The following DCLK1 variants were observed in gnomAD, a reference collection of about 807,000 sequenced individuals.
DCLK1 encodes doublecortin like kinase 1.
In DCLK1, 16 loss-of-function variants were observed where a neutral mutation model predicts 86.2. The observed-to-expected ratio is 0.19, with a 90% CI of 0.13 to 0.28. DCLK1 has a LOEUF of 0.28. Among genes scored for constraint, DCLK1 ranks in the 10% least tolerant of loss-of-function variants. The probability of loss-of-function intolerance (pLI) is 1.00; values close to 1 mark genes in which losing one functional copy is unlikely to be tolerated. For missense variants in DCLK1, 590 were observed against 940.2 expected, an observed-to-expected ratio of 0.63 and a Z score of 4.87; for synonymous variants, 369 against 370.5, an observed-to-expected ratio of 1.00 and a Z score of 0.05.
At chr13:35,846,059 A>G (rs1870151342) in intron 6 of DCLK1, 1 of 985,460 alleles carries the variant, frequency 1.0e-6, no homozygotes, top group Non-Finnish European at 1.2e-6. Flanking sequence ...GGGTAGTTCA[A>G]TGAAACATTT....
At chr13:36,034,917 A>G (rs920501271) in intron 3 of DCLK1, among the ~76,000 whole-genome samples, 3 of 152,320 alleles carry the variant, frequency 2.0e-5, no homozygotes, top group South Asian at 4.1e-4. Context: ...GGAATGAGCC[A>G]GTTATAAAAG....
At chr13:36,055,538 TC>T (rs140480093) in intron 3 of DCLK1, among the ~76,000 whole-genome samples, 1 of 152,160 alleles carries the variant, frequency 6.6e-6, no homozygotes, top group African/African-American at 2.4e-5. Flanking sequence ...AGGGGAAACC[TC>T]CCCGCATTTT....
At position 36,045,330 on chromosome 13, in the gene DCLK1, GTGTATATATATA is replaced by G. The variant is rs1258256101; in HGVS notation, c.723+66527_723+66538del. 6.6e-3 allele frequency among the ~76,000 whole-genome samples: 374 copies of G among 56,586 alleles called. 1 individual carries two copies. Among genetic ancestry groups the G allele is most frequent in the South Asian group, 0.023 (32 of 1,366 alleles). 37.1% of individuals were successfully genotyped at this position (56,586 alleles called of 152,430 possible). On this transcript the variant is annotated intron_variant, in intron 3 of 16. Coordinates refer to ENST00000360631, the MANE Select transcript of DCLK1 (RefSeq NM_001330071.2). Reference sequence around the variant, plus strand: ...TATATGTCTATATATGTGTGTGTGTGTGTATATATATATATATATATATATATATATATATAT... The same window carrying G: ...TATATGTCTATATATGTGTGTGTGTGTATATATATATATATATATATATAT...
chr13:36,130,668 C>G (rs1403880212), intron 1 of DCLK1, among the ~76,000 whole-genome samples: 3 of 152,122 alleles, frequency 2.0e-5, no homozygotes, highest in Non-Finnish European at 4.4e-5. Context: ...CACAAGCACA[C>G]ATCACTGGCC....
intron 3 of DCLK1, among the ~76,000 whole-genome samples, chr13:35,977,086 T>C (rs1185719150): frequency 6.6e-6 from 1 of 151,766 alleles, no homozygotes; most frequent in Non-Finnish European, 1.5e-5. Flanking sequence ...TGTTAAGAAA[T>C]GACAAAAATA....
At position 36,105,423 on chromosome 13, in the gene DCLK1, C is replaced by T. The variant is rs2088526375; in HGVS notation, c.723+6446G>A. Among the ~76,000 whole-genome samples, 3 of 152,182 alleles carry T rather than the reference C, an allele frequency of 2.0e-5. No individual in the cohort carries two copies. In the South Asian group the frequency reaches 6.2e-4, roughly 32 times the overall value. Reference sequence around the variant, plus strand: ...TGCCATGTGAATTGTTTCATTTAGTCCTCATGACAACTTATAGAGCAGGCA... The same window carrying T: ...TGCCATGTGAATTGTTTCATTTAGTTCTCATGACAACTTATAGAGCAGGCA... On this transcript the variant is annotated intron_variant, in intron 3 of 16. Transcript: ENST00000360631.
chr13:36,058,910 AAGTT>A (rs1883433767), intron 3 of DCLK1, among the ~76,000 whole-genome samples: 1 of 152,200 alleles, frequency 6.6e-6, no homozygotes, highest in Non-Finnish European at 1.5e-5. Context: ...TCTCAGGAAT[AAGTT>A]AGTAATGATC....
chr13:35,937,267 C>T (rs903062484), intron 4 of DCLK1, among the ~76,000 whole-genome samples: 5 of 152,186 alleles, frequency 3.3e-5, no homozygotes, highest in Admixed American at 2.6e-4. Flanking sequence ...GCCACCGCAC[C>T]CGGTCCCAGA....
At chr13:35,828,391 C>A in intron 8 of DCLK1, 84 bp from the exon 9 acceptor site, 2 of 1,071,340 alleles carry the variant, frequency 1.9e-6, no homozygotes, top group Non-Finnish European at 2.7e-6. Flanking sequence ...ATTTCCTACC[C>A]CATAGATCTT....
chr13:36,058,689 C>T (rs1240833422), intron 3 of DCLK1, among the ~76,000 whole-genome samples: 1 of 152,138 alleles, frequency 6.6e-6, no homozygotes, highest in Admixed American at 6.5e-5. Context: ...TAGAAAAAGT[C>T]GTTTCAAAGA....
chr13:35,854,778 A>G (rs973669622), intron 5 of DCLK1, among the ~76,000 whole-genome samples, 185 bp from the exon 6 acceptor site: 9 of 152,212 alleles, frequency 5.9e-5, no homozygotes, highest in African/African-American at 1.9e-4. Flanking sequence ...CAGTTTTGTA[A>G]ATCCTGTGTT....
intron 5 of DCLK1, among the ~76,000 whole-genome samples, chr13:35,867,994 T>C (rs1247585388): frequency 7.5e-6 from 1 of 132,550 alleles, no homozygotes; most frequent in African/African-American, 2.9e-5. Flanking sequence ...AACCCTGGAG[T>C]ATCTAGAGTA....
At chr13:36,004,375 C>A (rs960406115) in intron 3 of DCLK1, among the ~76,000 whole-genome samples, 1 of 152,074 alleles carries the variant, frequency 6.6e-6, no homozygotes, top group Non-Finnish European at 1.5e-5. Context: ...TCACTTACTG[C>A]AGAATCTCCA....
chr13:35,769,284 T>C lies in DCLK1; in HGVS notation c.*5251A>G, dbSNP rs1333849187. ...AAATTCAGTATTTTCAAAAGAAATATTGAATTTTTTTCTTGAGTCAAATTG... is the reference window on the plus strand; with the variant it reads ...AAATTCAGTATTTTCAAAAGAAATACTGAATTTTTTTCTTGAGTCAAATTG... On this transcript the variant is annotated 3_prime_UTR_variant, in exon 17 of 17. Coordinates refer to ENST00000360631, the MANE Select transcript of DCLK1 (RefSeq NM_001330071.2). The C allele has an allele frequency of 6.6e-6, 1 of 152,160 alleles. No individual in the cohort carries two copies. The highest frequency in any genetic ancestry group is 1.5e-5 in the Non-Finnish European group (1 of 68,030). 9.4% of individuals were successfully genotyped at this position (152,160 alleles called of 1,614,324 possible).
chr13:36,024,109 T>C (rs1322588171), intron 3 of DCLK1, among the ~76,000 whole-genome samples: 1 of 151,710 alleles, frequency 6.6e-6, no homozygotes, highest in Non-Finnish European at 1.5e-5. Flanking sequence ...TTGGCAAGGC[T>C]GGTCTCAAAC....
At position 35,956,044 on chromosome 13, in the gene DCLK1, C is replaced by T. The variant is rs140191076; in HGVS notation, c.724-8587G>A. On this transcript the variant is annotated intron_variant, in intron 3 of 16. Coordinates refer to ENST00000360631, the MANE Select transcript of DCLK1 (RefSeq NM_001330071.2). The stretch of plus-strand genomic sequence containing the variant: ...ATTCCTCTGGTTTCTCTCATTAAGA[C>T]ATCCTTTACTGTTGTCTACCTCCTT... Among the ~76,000 whole-genome samples, 391 of 152,316 alleles carry T rather than the reference C, an allele frequency of 2.6e-3. 2 individuals are homozygous for T. Among genetic ancestry groups the T allele is most frequent in the African/African-American group, 8.8e-3 (366 of 41,566 alleles).
At chr13:36,011,774 G>C in intron 3 of DCLK1, among the ~76,000 whole-genome samples, 1 of 150,598 alleles carries the variant, frequency 6.6e-6, no homozygotes, top group East Asian at 2.0e-4. Flanking sequence ...TCAATTCCTG[G>C]GTATCCTTTT....
intron 3 of DCLK1, among the ~76,000 whole-genome samples, chr13:36,091,798 C>A (rs1161864031): frequency 6.6e-6 from 1 of 152,180 alleles, no homozygotes; most frequent in Non-Finnish European, 1.5e-5. Flanking sequence ...CCACTCCCAA[C>A]GATAGCTATC....
intron 4 of DCLK1, among the ~76,000 whole-genome samples, chr13:35,894,071 T>C (rs927252254): frequency 5.9e-5 from 9 of 152,168 alleles, no homozygotes; most frequent in African/African-American, 2.2e-4. Flanking sequence ...ATGAATTTAA[T>C]ATTTAGACTT....
Sources: gnomAD v4.1 joint callset for allele counts (sites outside exome capture counted in the v4.1 genomes callset) on GRCh38, gnomAD v4.1.1 for gene constraint, MANE v1.5 for transcripts, NCBI Gene and HGNC (gene_info 2026-07-23, HGNC 2026-07-21) for gene names.